PRKG1: variants seen among roughly 807,000 people sequenced by gnomAD.
The protein encoded by PRKG1 is cGMP-dependent protein kinase 1.
Under a neutral mutation model 88.1 loss-of-function variants are expected in PRKG1, and 35 were observed. The observed-to-expected ratio is 0.40, with a 90% CI of 0.30 to 0.53. The LOEUF is 0.53. Ranked by LOEUF, PRKG1 falls within the 20% of genes least tolerant of loss-of-function variation. PRKG1 has a pLI of 0.59. For synonymous variants in PRKG1, 303 were observed against 292.5 expected (o/e 1.04, Z -0.37); for missense variants, 540 against 839.8 (o/e 0.64, Z 4.41).
At chr10:51,521,103 A>G (rs1252933073) in intron 3 of PRKG1, among the ~76,000 whole-genome samples, 3 of 152,344 alleles carry the variant, frequency 2.0e-5, no homozygotes, top group African/African-American at 4.8e-5. Context: ...CCTGGCCAAC[A>G]TGGGGAAACC....
chr10:50,993,239 G>A (rs941960031), intron 1 of PRKG1, among the ~76,000 whole-genome samples: 7 of 152,180 alleles, frequency 4.6e-5, no homozygotes, highest in Non-Finnish European at 1.0e-4. Context: ...AGGCAGAAAG[G>A]ACTCCTCTTA....
At chr10:52,233,285 T>G (rs959001389) in intron 9 of PRKG1, among the ~76,000 whole-genome samples, 2 of 150,560 alleles carry the variant, frequency 1.3e-5, no homozygotes, top group African/African-American at 4.9e-5. Context: ...AAGTCAAATA[T>G]GAAAAAAAAT....
chr10:52,257,509 T>G (rs750336157), intron 10 of PRKG1, among the ~76,000 whole-genome samples: 1 of 139,616 alleles, frequency 7.2e-6, no homozygotes, highest in Non-Finnish European at 1.6e-5. Context: ...TGAAACAGAA[T>G]AGCTATGGAG....
At chr10:51,174,539 A>T (rs1270776120) in intron 2 of PRKG1, among the ~76,000 whole-genome samples, 10 of 152,004 alleles carry the variant, frequency 6.6e-5, no homozygotes. Flanking sequence ...GAAAGAAAAA[A>T]GTTTTGATTT....
At chr10:51,967,353 T>G (rs961853003) in intron 5 of PRKG1, among the ~76,000 whole-genome samples, 2 of 151,958 alleles carry the variant, frequency 1.3e-5, no homozygotes, top group Non-Finnish European at 2.9e-5. Context: ...TAGGTGGGAA[T>G]TGAACAATGA....
chr10:52,068,202 CAAAAAAAAAAAAA>C (rs71032621), intron 7 of PRKG1, among the ~76,000 whole-genome samples: 1 of 38,848 alleles, frequency 2.6e-5, no homozygotes, highest in African/African-American at 9.4e-5. Flanking sequence ...AACTCCGTCT[CAAAAAAAAAAAAA>C]AAAAAAAAAA....
At chr10:51,143,201 A>T (rs1245082436) in intron 1 of PRKG1, among the ~76,000 whole-genome samples, 10 of 152,040 alleles carry the variant, frequency 6.6e-5, no homozygotes, top group Non-Finnish European at 1.5e-4. Context: ...TCAACTTTTT[A>T]AGATTCCACA....
rs140609940 is a variant in PRKG1, at chr10:51,100,758, A to G, written c.311+25857A>G. On this transcript the variant is annotated intron_variant, in intron 1 of 17. Coordinates refer to ENST00000373980, the MANE Select transcript of PRKG1 (RefSeq NM_006258.4). ...TGTTACCTGTATTTTGAAAGGCAAG[A>G]CAGGAATGTAGACTCTTAAAGGAAG... 2.1e-3 allele frequency among the ~76,000 whole-genome samples: 316 copies of G among 152,336 alleles called. 1 individual carries two copies. The highest frequency in any genetic ancestry group is 7.3e-3 in the African/African-American group (303 of 41,586).
At chr10:51,132,066 A>T (rs531071366) in intron 1 of PRKG1, among the ~76,000 whole-genome samples, 27 of 152,318 alleles carry the variant, frequency 1.8e-4, no homozygotes, top group Non-Finnish European at 3.1e-4. Context: ...AACAAAAATT[A>T]AAATTACCTG....
chr10:51,076,772 A>T (rs532110305), intron 1 of PRKG1, among the ~76,000 whole-genome samples: 1 of 152,328 alleles, frequency 6.6e-6, no homozygotes, highest in East Asian at 1.9e-4. Context: ...GTGGAAAATA[A>T]AGCTGGTGTG....
intron 2 of PRKG1, among the ~76,000 whole-genome samples, chr10:51,199,346 C>T (rs894522676): frequency 6.6e-6 from 1 of 152,134 alleles, no homozygotes; most frequent in African/African-American, 2.4e-5. Flanking sequence ...CCTTTAACTG[C>T]TCTTATGATA....
chr10:51,536,611 G>A (rs1842156656), intron 3 of PRKG1, among the ~76,000 whole-genome samples: 2 of 151,944 alleles, frequency 1.3e-5, no homozygotes, highest in Non-Finnish European at 2.9e-5. Context: ...TATTTGCCAA[G>A]GCTGATGTCC....
intron 3 of PRKG1, among the ~76,000 whole-genome samples, chr10:51,492,414 A>G (rs530516729): frequency 3.3e-5 from 5 of 152,286 alleles, no homozygotes; most frequent in South Asian, 2.1e-4. Flanking sequence ...GAGGCAACAT[A>G]TGACATGAAT....
chr10:51,639,306 C>T (rs1015539474), intron 3 of PRKG1, among the ~76,000 whole-genome samples: 12 of 151,440 alleles, frequency 7.9e-5, no homozygotes, highest in South Asian at 2.1e-4. Context: ...AGGTGGCGGG[C>T]GCCTGTAGTC....
At chr10:51,427,814 C>T (rs979132502) in intron 2 of PRKG1, among the ~76,000 whole-genome samples, 4 of 152,200 alleles carry the variant, frequency 2.6e-5, no homozygotes, top group African/African-American at 7.2e-5. Context: ...AGGAGCTGTG[C>T]ACTCTAAAAC....
intron 2 of PRKG1, among the ~76,000 whole-genome samples, chr10:51,392,754 CGGG>C (rs1427853606): frequency 1.5e-5 from 2 of 135,108 alleles, no homozygotes; most frequent in Non-Finnish European, 3.3e-5. Context: ...GCTGGCCGGG[CGGG>C]GGGCTGACCA....
intron 9 of PRKG1, among the ~76,000 whole-genome samples, chr10:52,210,696 C>T (rs1043635104): frequency 3.3e-5 from 5 of 152,092 alleles, no homozygotes; most frequent in African/African-American, 7.2e-5. Context: ...AATTCTGATA[C>T]AGTCATTTAA....
intron 2 of PRKG1, among the ~76,000 whole-genome samples, chr10:51,246,296 A>G (rs1410084324): frequency 1.3e-5 from 2 of 152,072 alleles, no homozygotes; most frequent in Non-Finnish European, 2.9e-5. Context: ...TTTTGATAGA[A>G]ACTGAAGCTG....
intron 2 of PRKG1, among the ~76,000 whole-genome samples, chr10:51,183,558 A>G (rs1388554177): frequency 7.1e-6 from 1 of 140,394 alleles, no homozygotes; most frequent in Non-Finnish European, 1.5e-5. Context: ...GTATTGTTGC[A>G]TTTTATAAAT....
Sources: gnomAD v4.1 joint callset for allele counts (sites outside exome capture counted in the v4.1 genomes callset) on GRCh38, gnomAD v4.1.1 for gene constraint, MANE v1.5 for transcripts, NCBI Gene and HGNC (gene_info 2026-07-23, HGNC 2026-07-21) for gene names.